Variants in CDH17 observed in about 807,000 individuals in gnomAD.
CDH17 encodes cadherin 17.
In CDH17, 67 loss-of-function variants were observed where a neutral mutation model predicts 86.3. That is an observed-to-expected ratio of 0.78 (90% confidence interval 0.64 to 0.95). The LOEUF (loss-of-function observed/expected upper bound fraction) is 0.95, where lower values mean the gene tolerates loss of function less well. Among genes scored for constraint, CDH17 ranks in the 40% least tolerant of loss-of-function variants. CDH17 has a pLI of 0.00. For synonymous variants in CDH17, 367 were observed against 366.4 expected, an observed-to-expected ratio of 1.00 and a Z score of -0.02; for missense variants, 993 against 1,017.6, an observed-to-expected ratio of 0.98 and a Z score of 0.33.
At chr8:94,174,067 T>C (rs2514813) in intron 6 of CDH17, 35 bp downstream of exon 6, 1,198,216 of 1,610,016 alleles carry the variant, frequency 0.74, 453,384 homozygotes, top group African/African-American at 0.92. Context: ...CTTTTTCTGA[T>C]CGAGACAGTC....
upstream of CDH17, among the ~76,000 whole-genome samples, chr8:94,209,154 T>TC (rs1014252666): frequency 2.3e-4 from 35 of 151,944 alleles, no homozygotes; most frequent in African/African-American, 6.0e-4. Context: ...AGTCCTTTTT[T>TC]CCCCCCCACA....
chr8:94,168,265 A>T (rs1813204036), intron 9 of CDH17, among the ~76,000 whole-genome samples: 1 of 146,482 alleles, frequency 6.8e-6, no homozygotes, highest in African/African-American at 2.5e-5. Context: ...AGGTGAGATT[A>T]CAGGCATGCA....
chr8:94,128,472 A>G, intron 17 of CDH17, 132 bp from the exon 18 acceptor site: 4 of 632,482 alleles, frequency 6.3e-6, no homozygotes, highest in Non-Finnish European at 1.1e-5. Context: ...ACAAAATTTC[A>G]CTGTCCTAGT....
Position 94,148,812 on chromosome 8 carries a change from A to T in CDH17, c.1859T>A (p.Phe620Tyr), listed in dbSNP as rs1170005980. ...LKIDHVTGEI[F>Y]SVAPLDREAG... ...TTCTCTGTCCAATGGAGCCACACTA[A>T]AGATCTCACCAGTCACGTGGTCAAT... Residue 620 changes from phenylalanine to tyrosine, a missense_variant, in exon 14 of 18, where the codon TTT becomes TAT. Physicochemically the swap from Phe to Tyr is conservative, Grantham distance 22. Coordinates refer to ENST00000027335, the MANE Select transcript of CDH17 (RefSeq NM_004063.4). The T allele has an allele frequency of 6.2e-7, 1 of 1,610,288 alleles. No homozygotes were observed. The highest frequency in any genetic ancestry group is 1.3e-5 in the African/African-American group (1 of 74,436).
intron 3 of CDH17, among the ~76,000 whole-genome samples, chr8:94,179,858 G>C (rs1813444545): frequency 6.6e-6 from 1 of 152,108 alleles, no homozygotes; most frequent in South Asian, 2.1e-4. Flanking sequence ...GGAAAAGAAA[G>C]ATATATGATT....
At chr8:94,141,518 C>A (rs1404322623) in intron 15 of CDH17, among the ~76,000 whole-genome samples, 2 of 152,080 alleles carry the variant, frequency 1.3e-5, no homozygotes, top group African/African-American at 4.8e-5. Context: ...TATTCACAGA[C>A]AACATGATTG....
intron 10 of CDH17, among the ~76,000 whole-genome samples, chr8:94,163,090 G>A (rs1022330645): frequency 2.0e-5 from 3 of 152,142 alleles, no homozygotes; most frequent in South Asian, 4.1e-4. Flanking sequence ...AGTTGTTAGC[G>A]GCCTCTATAT....
chr8:94,148,952 A>G, intron 13 of CDH17, 78 bp from the exon 14 acceptor site: 5 of 1,272,744 alleles, frequency 3.9e-6, no homozygotes, highest in Non-Finnish European at 5.4e-6. Context: ...GCGTCAACTA[A>G]ATATGTTTGT....
chr8:94,157,900 G>T (rs914258674), intron 12 of CDH17, among the ~76,000 whole-genome samples: 1 of 152,196 alleles, frequency 6.6e-6, no homozygotes, highest in Non-Finnish European at 1.5e-5. Context: ...AAAAAAAGAT[G>T]TGCTGTTTGG....
At chr8:94,207,543 G>A (rs970769048) in intron 1 of CDH17, among the ~76,000 whole-genome samples, 3 of 152,144 alleles carry the variant, frequency 2.0e-5, no homozygotes, top group South Asian at 2.1e-4. Flanking sequence ...TAAAGGACTC[G>A]CTTTGTTTCC....
At chr8:94,180,041 C>T (rs1191294424) in intron 3 of CDH17, among the ~76,000 whole-genome samples, 1 of 151,844 alleles carries the variant, frequency 6.6e-6, no homozygotes, top group Non-Finnish European at 1.5e-5. Context: ...AGGAAATCAT[C>T]TCTAAAGAAT....
Position 94,165,898 on chromosome 8 carries a change from A to C in CDH17, c.1145T>G (p.Val382Gly), listed in dbSNP as rs372757099. The change falls in exon 10 of 18, where the codon GTG becomes GGG. Residue 382 changes from valine to glycine, a missense_variant. Physicochemically the swap from Val to Gly is moderately radical, Grantham distance 109. Transcript: ENST00000027335. ...TANSFLNYRI[V>G]EQTPKLPMDG... The stretch of plus-strand genomic sequence containing the variant: ...CATGGGAAGTTTGGGAGTTTGCTCC[A>C]CAATCCTGTAGTTTAGAAAACTGTT... The C allele has an allele frequency of 9.2e-5, 148 of 1,613,848 alleles. No individual in the cohort carries two copies. Among genetic ancestry groups the C allele is most frequent in the Non-Finnish European group, 1.2e-4 (136 of 1,179,896 alleles).
At chr8:94,207,081 A>G (rs1814043053) in intron 1 of CDH17, among the ~76,000 whole-genome samples, 1 of 152,162 alleles carries the variant, frequency 6.6e-6, no homozygotes, top group Non-Finnish European at 1.5e-5. Context: ...AAAGACTTAT[A>G]TGGGAACCAT....
At chr8:94,194,006 T>G (rs998470419) in intron 2 of CDH17, among the ~76,000 whole-genome samples, 4 of 151,986 alleles carry the variant, frequency 2.6e-5, no homozygotes, top group Non-Finnish European at 5.9e-5. Context: ...ATGCAGCAAT[T>G]TTGGGGGCAA....
At chr8:94,180,137 G>A (rs1813450493) in intron 3 of CDH17, among the ~76,000 whole-genome samples, 1 of 151,906 alleles carries the variant, frequency 6.6e-6, no homozygotes, top group African/African-American at 2.4e-5. Context: ...AGTTGACAAG[G>A]ATGATAACTG....
intron 15 of CDH17, among the ~76,000 whole-genome samples, chr8:94,139,133 G>GTAGA (rs1217863702): frequency 6.6e-6 from 1 of 152,118 alleles, no homozygotes; most frequent in East Asian, 1.9e-4. Context: ...ACTGAGAAGT[G>GTAGA]TAGATAGATA....
Position 94,207,994 on chromosome 8 carries a change from T to C in CDH17, c.-21+489A>G, listed in dbSNP as rs149446495. On this transcript the variant is annotated intron_variant, in intron 1 of 17. Transcript: ENST00000027335. The stretch of plus-strand genomic sequence containing the variant: ...AAAGACTTTTCTTCTTCTCTGCATG[T>C]TCCCTCCCTTGCTGTGTCCTAGACA... Among the ~76,000 whole-genome samples, 426 of 152,334 alleles carry C rather than the reference T, an allele frequency of 2.8e-3. 3 individuals carry two copies. The highest frequency in any genetic ancestry group is 9.2e-3 in the African/African-American group (384 of 41,584).
At chr8:94,186,726 C>A (rs1232623962) in intron 3 of CDH17, among the ~76,000 whole-genome samples, 1 of 152,230 alleles carries the variant, frequency 6.6e-6, no homozygotes, top group Non-Finnish European at 1.5e-5. Context: ...ATCCTTTTAA[C>A]GTCTAGGCTC....
At chr8:94,142,777 G>T (rs753223244) in intron 15 of CDH17, among the ~76,000 whole-genome samples, 1 of 152,196 alleles carries the variant, frequency 6.6e-6, no homozygotes, top group Non-Finnish European at 1.5e-5. Context: ...TTGTTCAGTT[G>T]TAAGAAGCAA....
Sources: gnomAD v4.1 joint callset for allele counts (sites outside exome capture counted in the v4.1 genomes callset) on GRCh38, gnomAD v4.1.1 for gene constraint, MANE v1.5 for transcripts, NCBI Gene and HGNC (gene_info 2026-07-23, HGNC 2026-07-21) for gene names.